BEAN1: variants seen among roughly 807,000 people sequenced by gnomAD.
The protein encoded by BEAN1 is protein BEAN1.
A neutral mutation model predicts 17.7 loss-of-function variants in BEAN1; 17 were observed. The observed-to-expected ratio is 0.96, with a 90% CI of 0.66 to 1.44. The LOEUF is 1.44. BEAN1 is among the 40% of genes most tolerant of loss of function. The pLI is 0.00. For missense variants in BEAN1, 359 were observed against 374.1 expected (o/e 0.96, Z 0.33); for synonymous variants, 142 against 151.8 (o/e 0.94, Z 0.47).
rs1167566344 is a variant in BEAN1, at chr16:66,480,736, G to C, written c.591G>C (p.Gln197His). ...GCCCTGGCCGACACCAGCAGGAGCA[G>C]AGGACCCCGGCCCAAGGTGGCCTTC... ...GHSPGRHQQE[Q>H]RTPAQGGLHT... is the part of the protein sequence containing the mutation. Residue 197 changes from glutamine (Q) to histidine (H), a missense_variant, in exon 5 of 5, where the codon CAG becomes CAC. Gln to His is a conservative substitution (Grantham distance 24, BLOSUM62 0). Coordinates refer to ENST00000536005, the MANE Select transcript of BEAN1 (RefSeq NM_001178020.3). 6.4e-7 allele frequency: 1 copy of C among 1,551,516 alleles called. No homozygotes were observed. Among genetic ancestry groups the C allele is most frequent in the Non-Finnish European group, 8.7e-7 (1 of 1,146,968 alleles).
chr16:66,456,905 A>T (rs1217491957), intron 2 of BEAN1, among the ~76,000 whole-genome samples: 2 of 152,244 alleles, frequency 1.3e-5, no homozygotes, highest in East Asian at 3.8e-4. Context: ...AATTGCTTTC[A>T]TCTTACATTT....
rs1430805158 is a variant in BEAN1, at chr16:66,482,503, G to C, written c.*1578G>C. The C allele has an allele frequency of 5.1e-6, 1 of 194,792 alleles. No homozygotes were observed. The highest frequency in any genetic ancestry group is 1.1e-5 in the Non-Finnish European group (1 of 93,570). 12.1% of individuals were successfully genotyped at this position (194,792 alleles called of 1,614,324 possible). On this transcript the variant is annotated 3_prime_UTR_variant, in exon 5 of 5. Transcript: ENST00000536005. ...CCTCCTGGAGCCCCAGACTCCATCT[G>C]GGGGAGGGACTTGTTTACAAGCAGT...
chr16:66,487,674 C>G (rs750961126), downstream of BEAN1, among the ~76,000 whole-genome samples: 6 of 152,170 alleles, frequency 3.9e-5, no homozygotes, highest in Non-Finnish European at 7.4e-5. Flanking sequence ...CTGCAAGGAA[C>G]CTGGGAGCTG....
chr16:66,494,703 C>T (rs553103841), downstream of BEAN1, among the ~76,000 whole-genome samples: 165 of 152,304 alleles, frequency 1.1e-3, no homozygotes, highest in African/African-American at 3.6e-3. Flanking sequence ...CCTTTTCTTT[C>T]GGCTAATTTG....
At chr16:66,493,745 C>A (rs377076429), downstream of BEAN1, among the ~76,000 whole-genome samples, 8 of 152,288 alleles carry the variant, frequency 5.3e-5, no homozygotes, top group African/African-American at 1.4e-4. Context: ...GCCCTTAGAC[C>A]GGAAGCCAGA....
At chr16:66,464,781 A>G (rs1597020528) in intron 2 of BEAN1, among the ~76,000 whole-genome samples, 1 of 152,274 alleles carries the variant, frequency 6.6e-6, no homozygotes, top group East Asian at 1.9e-4. Flanking sequence ...TGAATTTATT[A>G]GTTCTAATAG....
At chr16:66,486,134 A>G (rs1964085504), downstream of BEAN1, 1 of 152,218 alleles carries the variant, frequency 6.6e-6, no homozygotes, top group Non-Finnish European at 1.5e-5. Context: ...TCTCCCAGAG[A>G]GCAAATACCA....
intron 2 of BEAN1, among the ~76,000 whole-genome samples, chr16:66,452,987 T>A (rs1260627380): frequency 6.6e-6 from 1 of 152,196 alleles, no homozygotes; most frequent in Non-Finnish European, 1.5e-5. Context: ...AGTACCCTCA[T>A]CTATTAAATC....
intron 4 of BEAN1, chr16:66,477,968 G>A: frequency 2.9e-6 from 1 of 348,056 alleles, no homozygotes; most frequent in African/African-American, 2.1e-5. Flanking sequence ...GAGTAGGCAT[G>A]CCGGGAATGC....
rs1004729117 is a variant in BEAN1 at position 66,434,163 on chromosome 16, G to A, written c.-82-3432G>A. Among the ~76,000 whole-genome samples, 2 of 152,208 alleles carry A rather than the reference G, an allele frequency of 1.3e-5. No homozygotes were observed. Among genetic ancestry groups the A allele is most frequent in the African/African-American group, 4.8e-5 (2 of 41,458 alleles). On this transcript the variant is annotated intron_variant, in intron 1 of 4. Coordinates refer to ENST00000536005, the MANE Select transcript of BEAN1 (RefSeq NM_001178020.3). This position sits in a 1 kb window ranked among gnomAD's most constrained non-coding sequence, Gnocchi z 4.3. ...CTGGGCTCAAAGAGAGGCGGGCAGG[G>A]GAAGAGGTGACCACGCTTGGCCTAG...
downstream of BEAN1, chr16:66,483,135 C>T: frequency 3.9e-6 from 1 of 257,422 alleles, no homozygotes; most frequent in East Asian, 1.2e-4. Context: ...AGGGTTTATA[C>T]CTTCTGAAAC....
intron 2 of BEAN1, among the ~76,000 whole-genome samples, chr16:66,446,222 A>G (rs1000757333): frequency 1.3e-5 from 2 of 152,046 alleles, no homozygotes; most frequent in Non-Finnish European, 2.9e-5. Context: ...ACAGTGGTCT[A>G]GGTGATGACA....
chr16:66,486,136 C>T (rs1429965836), downstream of BEAN1: 1 of 152,224 alleles, frequency 6.6e-6, no homozygotes, highest in Non-Finnish European at 1.5e-5. Context: ...TCCCAGAGAG[C>T]AAATACCAAG....
intron 4 of BEAN1, 50 bp from the exon 5 acceptor site, chr16:66,480,536 C>A: frequency 1.4e-6 from 2 of 1,408,640 alleles, no homozygotes; most frequent in African/African-American, 1.4e-5. Context: ...TTGGGAGAGA[C>A]CCAGCCCTAA....
At chr16:66,429,317 T>C (rs930111538) in intron 1 of BEAN1, among the ~76,000 whole-genome samples, 2 of 152,138 alleles carry the variant, frequency 1.3e-5, no homozygotes, top group African/African-American at 2.4e-5. Flanking sequence ...AGCCAGTGAT[T>C]GAGAGGTTCA....
At chr16:66,479,960 C>G (rs984664255) in intron 4 of BEAN1, among the ~76,000 whole-genome samples, 2 of 152,120 alleles carry the variant, frequency 1.3e-5, no homozygotes, top group African/African-American at 2.4e-5. Flanking sequence ...GGCAGATCAC[C>G]CATCAGTACT....
chr16:66,487,630 G>T (rs563589787), downstream of BEAN1, among the ~76,000 whole-genome samples: 1 of 152,112 alleles, frequency 6.6e-6, no homozygotes, highest in Non-Finnish European at 1.5e-5. Flanking sequence ...GGCTCAGCCC[G>T]CCAGAGACCC....
chr16:66,488,816 T>G (rs1964125643), intron 4 of BEAN1, among the ~76,000 whole-genome samples: 1 of 152,012 alleles, frequency 6.6e-6, no homozygotes, highest in African/African-American at 2.4e-5. Context: ...AGCAAGGAAA[T>G]GAATTCTCCC....
chr16:66,493,242 T>C (rs967433130), exon 5 of BEAN1: 11 of 702,820 alleles, frequency 1.6e-5, no homozygotes, highest in Non-Finnish European at 2.1e-5. Flanking sequence ...AAAAGGCTGG[T>C]GAAGCCCTGC....
Sources: allele counts gnomAD v4.1 joint callset (sites outside exome capture counted in the v4.1 genomes callset), GRCh38; gene constraint gnomAD v4.1.1; non-coding constraint Gnocchi (gnomAD v3.1); transcripts MANE v1.5; gene names NCBI Gene and HGNC (gene_info 2026-07-23, HGNC 2026-07-21).